OR2G6: variants seen among roughly 807,000 people sequenced by gnomAD.
OR2G6 encodes olfactory receptor 2G6.
For missense variants in OR2G6, 457 were observed against 391.3 expected, an observed-to-expected ratio of 1.17 and a Z score of -1.42; for synonymous variants, 183 against 155.2, an observed-to-expected ratio of 1.18 and a Z score of -1.33.
chr1:248,521,031 G>A (rs561787676), intron 1 of OR2G6, among the ~76,000 whole-genome samples: 1 of 105,022 alleles, frequency 9.5e-6, no homozygotes. Context: ...GACAGAGTGA[G>A]ATTCCATCTA....
rs1275490679 is a variant in OR2G6, at chr1:248,522,361, G to A, written c.715G>A (p.Gly239Arg). 12 of 1,614,056 alleles carry A rather than the reference G, an allele frequency of 7.4e-6. No homozygotes were observed. Among genetic ancestry groups the A allele is most frequent in the African/African-American group, 1.3e-5 (1 of 74,916 alleles). Residue 239 changes from glycine (G) to arginine (R), a missense_variant, in exon 2 of 2, where the codon GGG (glycine) becomes AGG (arginine). Physicochemically the swap from Gly to Arg is moderately radical, Grantham distance 125. Transcript: ENST00000641804. ...KSAAGRQKAF[G>R]TCSSHLVVVI... is the part of the protein sequence containing the mutation. ...AGCTGCGGGCCGCCAAAAGGCCTTT[G>A]GGACCTGTTCGTCTCACCTGGTTGT...
At position 248,525,160 on chromosome 1, in the gene OR2G6, T is replaced by A. The variant is rs1664369750; in HGVS notation, c.*2563T>A. 6.7e-6 allele frequency: 1 copy of A among 148,906 alleles called. No individual in the cohort carries two copies. The highest frequency in any genetic ancestry group is 1.9e-4 in the East Asian group (1 of 5,204). The allele number at this position is 148,906 out of a possible 1,614,324, so 9.2% of individuals were successfully genotyped here. On this transcript the variant is annotated 3_prime_UTR_variant, in exon 2 of 2. Transcript: ENST00000641804. ...TGAATAACATGAGTAGTTTCTCTTT[T>A]TTAAATACCTACATTGAGCATACTT...
intron 1 of OR2G6, among the ~76,000 whole-genome samples, chr1:248,521,313 A>G (rs191857620): frequency 6.4e-4 from 97 of 152,286 alleles, no homozygotes; most frequent in African/African-American, 2.1e-3. Flanking sequence ...CATCATTTGA[A>G]CATATAAATA....
At chr1:248,520,110 T>A (rs1664251069) in intron 1 of OR2G6, among the ~76,000 whole-genome samples, 1 of 152,226 alleles carries the variant, frequency 6.6e-6, no homozygotes, top group Non-Finnish European at 1.5e-5. Flanking sequence ...AAGGATGCAT[T>A]CATGTCCTTT....
At position 248,526,425 on chromosome 1, in the gene OR2G6, T is replaced by C. The variant is rs1398487153; in HGVS notation, c.*3828T>C. On this transcript the variant is annotated 3_prime_UTR_variant, in exon 2 of 2. Transcript: ENST00000641804. ...GCAGCTGGGGCTGGTACCATAGGGATACTTAAAGTTGAATTTATCAATTGC... is the reference window on the plus strand; with the variant it reads ...GCAGCTGGGGCTGGTACCATAGGGACACTTAAAGTTGAATTTATCAATTGC... 2 of 152,216 alleles carry C rather than the reference T, an allele frequency of 1.3e-5. No individual in the cohort carries two copies. Among genetic ancestry groups the C allele is most frequent in the African/African-American group, 4.8e-5 (2 of 41,458 alleles). 9.4% of individuals were successfully genotyped at this position (152,216 alleles called of 1,614,324 possible). A position where few individuals can be genotyped will look rare whatever the true frequency, so the allele number is the denominator to read the frequency against.
chr1:248,521,065 A>AAT, intron 1 of OR2G6, among the ~76,000 whole-genome samples: 1 of 144,206 alleles, frequency 6.9e-6, no homozygotes, highest in African/African-American at 2.6e-5. Context: ...AAAAAAAAAA[A>AAT]TACAACAATT....
Position 248,522,742 on chromosome 1 carries a change from T to C in OR2G6, c.*145T>C. ...AGAAGGGAAACACCTCAAGGCAGCG[T>C]GAGGATTCATCCTCCCCAGACATTC... On this transcript the variant is annotated 3_prime_UTR_variant, in exon 2 of 2. Transcript: ENST00000641804. 1.6e-6 allele frequency: 1 copy of C among 610,678 alleles called. No homozygotes were observed. Among genetic ancestry groups the C allele is most frequent in the East Asian group, 2.8e-5 (1 of 36,234 alleles). 37.8% of individuals were successfully genotyped at this position (610,678 alleles called of 1,614,324 possible). A position where few individuals can be genotyped will look rare whatever the true frequency, so the allele number is the denominator to read the frequency against.
intron 1 of OR2G6, among the ~76,000 whole-genome samples, chr1:248,520,310 G>A (rs190107467): frequency 2.6e-5 from 4 of 152,248 alleles, no homozygotes; most frequent in East Asian, 3.9e-4. Flanking sequence ...ATAGCATTAG[G>A]AGAAATACCT....
chr1:248,526,751 GATA>G lies in OR2G6; in HGVS notation c.*4157_*4159del, dbSNP rs1348272829. 6.6e-5 allele frequency: 10 copies of G among 152,162 alleles called. No homozygotes were observed. Among genetic ancestry groups the G allele is most frequent in the African/African-American group, 2.2e-4 (9 of 41,450 alleles). The allele number at this position is 152,162 out of a possible 1,614,324, so 9.4% of individuals were successfully genotyped here. A position where few individuals can be genotyped will look rare whatever the true frequency, so the allele number is the denominator to read the frequency against. On this transcript the variant is annotated 3_prime_UTR_variant, in exon 2 of 2. Coordinates refer to ENST00000641804, the MANE Select transcript of OR2G6 (RefSeq NM_001013355.2). ...GATTTGCATTTCTCTGATGGCCAGT[GATA>G]ATGAGCATTTTTTCATGTGGCTGTG...
Position 248,524,843 on chromosome 1 carries a change from C to T in OR2G6, c.*2246C>T, listed in dbSNP as rs887466534. ...ATCTGCTTATTGCTGAAATTAGCAT[C>T]TTTAGCTGTAAGTTATTTGCACCCA... On this transcript the variant is annotated 3_prime_UTR_variant, in exon 2 of 2. Coordinates refer to ENST00000641804, the MANE Select transcript of OR2G6 (RefSeq NM_001013355.2). The T allele has an allele frequency of 5.3e-5, 8 of 152,190 alleles. No homozygotes were observed. Among genetic ancestry groups the T allele is most frequent in the African/African-American group, 1.9e-4 (8 of 41,530 alleles). The allele number at this position is 152,190 out of a possible 1,614,324, so 9.4% of individuals were successfully genotyped here. A position where few individuals can be genotyped will look rare whatever the true frequency, so the allele number is the denominator to read the frequency against.
intron 1 of OR2G6, among the ~76,000 whole-genome samples, chr1:248,520,500 C>A (rs1160087070): frequency 1.3e-5 from 2 of 152,114 alleles, no homozygotes; most frequent in African/African-American, 2.4e-5. Context: ...ACACACATTT[C>A]ATTTTACAAA....
rs570279398 is a variant in OR2G6 at position 248,522,741 on chromosome 1, G to A, written c.*144G>A. ...AAGAAGGGAAACACCTCAAGGCAGCGTGAGGATTCATCCTCCCCAGACATT... is the reference window on the plus strand; with the variant it reads ...AAGAAGGGAAACACCTCAAGGCAGCATGAGGATTCATCCTCCCCAGACATT... On this transcript the variant is annotated 3_prime_UTR_variant, in exon 2 of 2. Transcript: ENST00000641804. 6.4e-5 allele frequency: 39 copies of A among 610,060 alleles called. No homozygotes were observed. Among genetic ancestry groups the A allele is most frequent in the African/African-American group, 5.1e-4 (27 of 53,318 alleles). The allele number at this position is 610,060 out of a possible 1,614,324, so 37.8% of individuals were successfully genotyped here.
At chr1:248,519,562 T>C (rs889396599) in intron 1 of OR2G6, among the ~76,000 whole-genome samples, 30 of 152,160 alleles carry the variant, frequency 2.0e-4, no homozygotes, top group Non-Finnish European at 2.2e-4. Context: ...TAGCCAGTTT[T>C]CCCAGCACCA....
rs1030589889 is a variant in OR2G6, at chr1:248,524,891, A to G, written c.*2294A>G. 1 of 152,178 alleles carries G rather than the reference A, an allele frequency of 6.6e-6. No homozygotes were observed. Among genetic ancestry groups the G allele is most frequent in the Non-Finnish European group, 1.5e-5 (1 of 68,028 alleles). The allele number at this position is 152,178 out of a possible 1,614,324, so 9.4% of individuals were successfully genotyped here. On this transcript the variant is annotated 3_prime_UTR_variant, in exon 2 of 2. Coordinates refer to ENST00000641804, the MANE Select transcript of OR2G6 (RefSeq NM_001013355.2). ...CCAAAAGGAAACCAGAAAATAATAG[A>G]TATAACATAGGCAAAGCAACCTAAA...
rs1038387899 is a variant in OR2G6, at chr1:248,525,979, C to A, written c.*3382C>A. On this transcript the variant is annotated 3_prime_UTR_variant, in exon 2 of 2. Transcript: ENST00000641804. ...GTTGCAGTGAGCCAAGATCGTGCCA[C>A]TGTACTCCAGCCTGGGCAACAGAGC... 1 of 150,880 alleles carries A rather than the reference C, an allele frequency of 6.6e-6. No homozygotes were observed. The highest frequency in any genetic ancestry group is 2.5e-5 in the African/African-American group (1 of 40,774). 9.3% of individuals were successfully genotyped at this position (150,880 alleles called of 1,614,324 possible).
chr1:248,510,639 C>CCT (rs1246386915), intron 1 of OR2G6, among the ~76,000 whole-genome samples: 121 of 13,172 alleles, frequency 9.2e-3, no homozygotes, highest in South Asian at 0.021. Context: ...ACAGATCAGT[C>CCT]ATTTTTATTC....
rs1484660902 is a variant in OR2G6 at position 248,527,168 on chromosome 1, A to G, written c.*4571A>G. The G allele has an allele frequency of 6.6e-6, 1 of 152,136 alleles. No individual in the cohort carries two copies. The highest frequency in any genetic ancestry group is 1.9e-4 in the East Asian group (1 of 5,196). 9.4% of individuals were successfully genotyped at this position (152,136 alleles called of 1,614,324 possible). A position where few individuals can be genotyped will look rare whatever the true frequency, so the allele number is the denominator to read the frequency against. Reference sequence around the variant, plus strand: ...TAATCCATCTTGAATTAATTTTTGTATAAGGTGTAAGGAAGGGATCCAGTT... The same window carrying G: ...TAATCCATCTTGAATTAATTTTTGTGTAAGGTGTAAGGAAGGGATCCAGTT... On this transcript the variant is annotated 3_prime_UTR_variant, in exon 2 of 2. Coordinates refer to ENST00000641804, the MANE Select transcript of OR2G6 (RefSeq NM_001013355.2).
At position 248,522,386 on chromosome 1, in the gene OR2G6, T is replaced by C. The variant is rs775979827; in HGVS notation, c.740T>C (p.Val247Ala). 1 of 1,614,182 alleles carries C rather than the reference T, an allele frequency of 6.2e-7. No individual in the cohort carries two copies. ...GGGACCTGTTCGTCTCACCTGGTTG[T>C]GGTCATCATTTTCTATGGGACCATC... ...AFGTCSSHLV[V>A]VIIFYGTIIF... The change falls in exon 2 of 2, where the codon GTG (valine) becomes GCG (alanine). Residue 247 changes from valine to alanine, a missense_variant. Transcript: ENST00000641804.
In OR2G6 at chr1:248,527,074, T is replaced by C. The variant is rs1274775536; in HGVS notation, c.*4477T>C. The C allele has an allele frequency of 6.6e-6, 1 of 152,220 alleles. No homozygotes were observed. Among genetic ancestry groups the C allele is most frequent in the African/African-American group, 2.4e-5 (1 of 41,450 alleles). 9.4% of individuals were successfully genotyped at this position (152,220 alleles called of 1,614,324 possible). ...GACATGAAGTCCTTATCCATGCCTA[T>C]GTCCTGAATGGAATTGCCTAGGTTT... On this transcript the variant is annotated 3_prime_UTR_variant, in exon 2 of 2. Transcript: ENST00000641804.
Sources: gnomAD v4.1 joint callset for allele counts (sites outside exome capture counted in the v4.1 genomes callset) on GRCh38, gnomAD v4.1.1 for gene constraint, MANE v1.5 for transcripts, NCBI Gene and HGNC (gene_info 2026-07-23, HGNC 2026-07-21) for gene names.